The following NRG3 variants were observed in gnomAD, a reference collection of about 807,000 sequenced individuals.
NRG3 encodes pro-neuregulin-3, membrane-bound isoform.
A neutral mutation model predicts 66.9 loss-of-function variants in NRG3; 31 were observed. The ratio of observed to expected loss-of-function variants is 0.46; its 90% CI spans 0.35 to 0.63. The LOEUF (loss-of-function observed/expected upper bound fraction) is 0.63, where lower values mean the gene tolerates loss of function less well. Among genes scored for constraint, NRG3 ranks in the 20% least tolerant of loss-of-function variants. NRG3 has a pLI of 0.00. For synonymous variants in NRG3, 393 were observed against 359.4 expected (o/e 1.09, Z -1.06); for missense variants, 910 against 878.9 (o/e 1.04, Z -0.45).
chr10:82,294,500 A>AGC (rs2079943623), intron 1 of NRG3, among the ~76,000 whole-genome samples: 1 of 151,966 alleles, frequency 6.6e-6, no homozygotes, highest in African/African-American at 2.4e-5. Context: ...TTACACATAC[A>AGC]GTCATATGCC....
intron 3 of NRG3, among the ~76,000 whole-genome samples, chr10:82,765,816 A>G (rs969058513): frequency 6.6e-6 from 1 of 152,076 alleles, no homozygotes; most frequent in Non-Finnish European, 1.5e-5. Flanking sequence ...TTGTGGAATG[A>G]ATAAATATCA....
chr10:82,682,939 T>G (rs1339951508), intron 2 of NRG3, among the ~76,000 whole-genome samples: 1 of 144,338 alleles, frequency 6.9e-6, no homozygotes, highest in African/African-American at 2.6e-5. Context: ...ATACAGACCA[T>G]GTCTTAATTT....
intron 1 of NRG3, among the ~76,000 whole-genome samples, chr10:82,223,481 T>C (rs2133800742): frequency 6.6e-6 from 1 of 152,276 alleles, no homozygotes; most frequent in Non-Finnish European, 1.5e-5. Context: ...TGCTTCACCT[T>C]GGCCGCTTTT....
chr10:82,610,781 CTGAA>C (rs2048264612), intron 2 of NRG3, among the ~76,000 whole-genome samples: 3 of 152,208 alleles, frequency 2.0e-5, no homozygotes, highest in African/African-American at 7.2e-5. Context: ...TGACTTTGAT[CTGAA>C]TGTCATTCAG....
chr10:82,003,041 G>T (rs562847931), intron 1 of NRG3, among the ~76,000 whole-genome samples: 1 of 152,254 alleles, frequency 6.6e-6, no homozygotes, highest in South Asian at 2.1e-4. Context: ...ACATTCCCTA[G>T]TTGTGATTAG....
intron 3 of NRG3, among the ~76,000 whole-genome samples, chr10:82,746,599 A>G (rs548096712): frequency 3.3e-5 from 5 of 152,226 alleles, no homozygotes; most frequent in Admixed American, 1.3e-4. Flanking sequence ...TATAGTTTCA[A>G]AGTCAGAGAG....
intron 1 of NRG3, among the ~76,000 whole-genome samples, chr10:82,179,621 G>C (rs751984091): frequency 3.3e-5 from 5 of 151,890 alleles, no homozygotes; most frequent in Non-Finnish European, 5.9e-5. Context: ...TCTTATGCCA[G>C]TACCATATTT....
intron 1 of NRG3, among the ~76,000 whole-genome samples, chr10:81,902,646 C>T (rs1564644239): frequency 1.3e-5 from 2 of 152,112 alleles, no homozygotes; most frequent in African/African-American, 4.8e-5. Flanking sequence ...TTGTTTCAGC[C>T]GCCTAGTTCA....
chr10:81,939,590 A>G (rs1232993839), intron 1 of NRG3, among the ~76,000 whole-genome samples: 2 of 150,594 alleles, frequency 1.3e-5, no homozygotes, highest in Admixed American at 1.3e-4. Context: ...TCATCTCATT[A>G]TTTCTGTGGC....
rs200134190 is a variant in NRG3 at position 82,534,284 on chromosome 10, CAG to C, written c.953+175419_953+175420del. 2.5e-3 allele frequency among the ~76,000 whole-genome samples: 371 copies of C among 149,180 alleles called. 11 individuals are homozygous for C. The East Asian group carries it at 0.064, about 26-fold the overall frequency. On this transcript the variant is annotated intron_variant, in intron 2 of 8. Transcript: ENST00000372141. ...TCCATTTTGTTTTTTTTTTTTGAGA[CAG>C]AGTATCGCTGTATTGCCCAGGCTGG...
chr10:82,453,427 G>A (rs2091113818), intron 2 of NRG3, among the ~76,000 whole-genome samples: 1 of 152,124 alleles, frequency 6.6e-6, no homozygotes, highest in Non-Finnish European at 1.5e-5. Flanking sequence ...GGAAAACCAG[G>A]ATGATTGATT....
chr10:82,297,475 G>A (rs558413053), intron 1 of NRG3, among the ~76,000 whole-genome samples: 2 of 152,060 alleles, frequency 1.3e-5, no homozygotes, highest in Admixed American at 6.6e-5. Context: ...TGGAGAGGAG[G>A]GCAACATGTA....
At chr10:82,496,402 T>G (rs1266811517) in intron 2 of NRG3, among the ~76,000 whole-genome samples, 1 of 152,210 alleles carries the variant, frequency 6.6e-6, no homozygotes, top group Non-Finnish European at 1.5e-5. Context: ...AGTCAGCTTT[T>G]CTTTATGTAC....
intron 2 of NRG3, among the ~76,000 whole-genome samples, chr10:82,494,661 G>A (rs1843453782): frequency 6.6e-6 from 1 of 151,952 alleles, no homozygotes; most frequent in South Asian, 2.1e-4. Flanking sequence ...TCACCCCCAG[G>A]CATTCTCATT....
At chr10:82,217,000 A>C (rs939017316) in intron 1 of NRG3, among the ~76,000 whole-genome samples, 5 of 152,200 alleles carry the variant, frequency 3.3e-5, no homozygotes, top group African/African-American at 1.2e-4. Context: ...AGACAAAACA[A>C]ATCCTGTTGC....
At chr10:82,186,280 A>C (rs916858420) in intron 1 of NRG3, among the ~76,000 whole-genome samples, 3 of 152,136 alleles carry the variant, frequency 2.0e-5, no homozygotes, top group Non-Finnish European at 4.4e-5. Context: ...AATCCAGGGG[A>C]AATCATAAGA....
At chr10:82,023,232 T>C (rs2062141430) in intron 1 of NRG3, among the ~76,000 whole-genome samples, 1 of 152,058 alleles carries the variant, frequency 6.6e-6, no homozygotes, top group South Asian at 2.1e-4. Flanking sequence ...TTTTACTGAA[T>C]TCATTTATCA....
intron 1 of NRG3, among the ~76,000 whole-genome samples, chr10:82,357,957 C>A (rs1179030928): frequency 1.3e-5 from 2 of 152,068 alleles, no homozygotes; most frequent in African/African-American, 4.8e-5. Flanking sequence ...CTAATAGTTG[C>A]TTAAAACTCT....
At chr10:82,916,630 ATT>A (rs10628568) in intron 4 of NRG3, among the ~76,000 whole-genome samples, 35,272 of 147,880 alleles carry the variant, frequency 0.24, 4,288 homozygotes, top group East Asian at 0.47. Flanking sequence ...CAGCAATTAC[ATT>A]TTTTTTTTTT....
Sources: gnomAD v4.1 joint callset for allele counts (sites outside exome capture counted in the v4.1 genomes callset) on GRCh38, gnomAD v4.1.1 for gene constraint, MANE v1.5 for transcripts, NCBI Gene and HGNC (gene_info 2026-07-23, HGNC 2026-07-21) for gene names.